Variants in CA10 observed in about 807,000 individuals in gnomAD.
The protein encoded by CA10 is carbonic anhydrase 10 (inactive), also known as carbonic anhydrase-related protein 10.
In CA10, 14 loss-of-function variants were observed where a neutral mutation model predicts 44.2. That is an observed-to-expected ratio of 0.32 (90% CI 0.21 to 0.50). The LOEUF (loss-of-function observed/expected upper bound fraction) is 0.50. Ranked by LOEUF, CA10 falls within the 20% of genes least tolerant of loss-of-function variation. CA10 has a pLI of 0.99. For synonymous variants in CA10, 159 were observed against 141.6 expected (o/e 1.12, Z -0.87); for missense variants, 350 against 409.7 (o/e 0.85, Z 1.26).
At chr17:52,122,039 A>G (rs928523580) in intron 1 of CA10, among the ~76,000 whole-genome samples, 1 of 152,198 alleles carries the variant, frequency 6.6e-6, no homozygotes, top group Non-Finnish European at 1.5e-5. Context: ...CCTTTTATGC[A>G]CACCTCAATC....
intron 1 of CA10, among the ~76,000 whole-genome samples, chr17:52,152,844 CA>C (rs1207854897): frequency 1.3e-5 from 2 of 151,928 alleles, no homozygotes; most frequent in Non-Finnish European, 2.9e-5. Flanking sequence ...ATAGGCAAAG[CA>C]AATATAATTT....
At chr17:52,066,205 G>A (rs1206964479) in intron 2 of CA10, among the ~76,000 whole-genome samples, 1 of 152,208 alleles carries the variant, frequency 6.6e-6, no homozygotes, top group African/African-American at 2.4e-5. Flanking sequence ...AAATGTGAAA[G>A]TGACTTTGGA....
chr17:52,064,645 C>A lies in CA10; in HGVS notation c.136+7674G>T, dbSNP rs193011957. 2.6e-5 allele frequency among the ~76,000 whole-genome samples: 4 copies of A among 151,910 alleles called. No individual in the cohort carries two copies. The East Asian group carries it at 7.8e-4, about 29-fold the overall frequency. ...CTTGTAGGTGGTTGGGTATAATTAC[C>A]TTCCTTGTCCAATAATCTTTAGATT... On this transcript the variant is annotated intron_variant, in intron 2 of 8. Transcript: ENST00000451037.
chr17:51,878,886 A>G (rs1196676187), intron 3 of CA10, among the ~76,000 whole-genome samples: 534 of 15,948 alleles, frequency 0.033, 24 homozygotes, highest in East Asian at 0.046. Flanking sequence ...ATATATATAT[A>G]TATATGGGTG....
intron 2 of CA10, among the ~76,000 whole-genome samples, chr17:51,944,359 A>G (rs1983194937): frequency 6.6e-6 from 1 of 152,106 alleles, no homozygotes; most frequent in Non-Finnish European, 1.5e-5. Flanking sequence ...ACTGCCAGCA[A>G]CCAGACCCTG....
chr17:51,769,246 T>C (rs1468978099), intron 3 of CA10, among the ~76,000 whole-genome samples: 1 of 152,162 alleles, frequency 6.6e-6, no homozygotes, highest in African/African-American at 2.4e-5. Flanking sequence ...GTGGAGTTTT[T>C]GCCACTACTG....
At chr17:51,914,291 G>T (rs1004624618) in intron 3 of CA10, among the ~76,000 whole-genome samples, 13 of 152,102 alleles carry the variant, frequency 8.5e-5, no homozygotes, top group African/African-American at 2.7e-4. Flanking sequence ...TTTTTACAGA[G>T]AAAAAGCATA....
At chr17:52,037,085 A>G (rs1986640252) in intron 2 of CA10, among the ~76,000 whole-genome samples, 1 of 152,144 alleles carries the variant, frequency 6.6e-6, no homozygotes, top group South Asian at 2.1e-4. Context: ...TTGGGAAAAG[A>G]TTTTGAAGAA....
chr17:51,948,279 A>G (rs1411708868), intron 2 of CA10, among the ~76,000 whole-genome samples: 5 of 152,160 alleles, frequency 3.3e-5, no homozygotes, highest in Non-Finnish European at 5.9e-5. Flanking sequence ...GGCTCTGCCC[A>G]TAGGAAATCT....
At chr17:51,873,240 G>A (rs1979899746) in intron 3 of CA10, among the ~76,000 whole-genome samples, 1 of 152,198 alleles carries the variant, frequency 6.6e-6, no homozygotes, top group African/African-American at 2.4e-5. Context: ...ACAGAACAGA[G>A]TAAGTACCCA....
At chr17:52,023,380 T>G (rs1986201415) in intron 2 of CA10, among the ~76,000 whole-genome samples, 1 of 152,142 alleles carries the variant, frequency 6.6e-6, no homozygotes, top group Admixed American at 6.6e-5. Flanking sequence ...AAGGACTTTC[T>G]ATTCAATAAA....
chr17:51,865,785 T>C (rs769844434), intron 3 of CA10, among the ~76,000 whole-genome samples: 3 of 152,218 alleles, frequency 2.0e-5, no homozygotes, highest in Non-Finnish European at 4.4e-5. Context: ...TCCTCATCTA[T>C]GATGTTAGGC....
intron 2 of CA10, among the ~76,000 whole-genome samples, chr17:52,056,713 T>G (rs542835780): frequency 2.0e-5 from 3 of 151,978 alleles, no homozygotes; most frequent in Non-Finnish European, 4.4e-5. Flanking sequence ...GGTTAAAGCA[T>G]CCTGCTGTGT....
chr17:51,993,273 T>C (rs1985108907), intron 2 of CA10, among the ~76,000 whole-genome samples: 1 of 152,140 alleles, frequency 6.6e-6, no homozygotes, highest in Non-Finnish European at 1.5e-5. Context: ...GAATTATGTA[T>C]GAAGCACTGC....
At chr17:51,899,592 C>A (rs985323566) in intron 3 of CA10, among the ~76,000 whole-genome samples, 2 of 151,960 alleles carry the variant, frequency 1.3e-5, no homozygotes, top group Non-Finnish European at 2.9e-5. Flanking sequence ...GCTCAGGTCC[C>A]AAACATATTT....
intron 4 of CA10, among the ~76,000 whole-genome samples, chr17:51,724,192 G>T (rs969054014): frequency 1.3e-5 from 2 of 152,246 alleles, no homozygotes; most frequent in African/African-American, 4.8e-5. Flanking sequence ...TGTCCTTGCA[G>T]AGTGGCAGAC....
At chr17:51,682,821 G>C (rs1914889177) in intron 4 of CA10, among the ~76,000 whole-genome samples, 1 of 152,228 alleles carries the variant, frequency 6.6e-6, no homozygotes, top group Non-Finnish European at 1.5e-5. Flanking sequence ...ACCTGACGTT[G>C]ATGAAGGGCT....
At chr17:52,054,299 C>A (rs537914719) in intron 2 of CA10, among the ~76,000 whole-genome samples, 1 of 152,212 alleles carries the variant, frequency 6.6e-6, no homozygotes, top group East Asian at 1.9e-4. Context: ...ATGAAATAAG[C>A]CCCAGTCTCC....
intron 2 of CA10, among the ~76,000 whole-genome samples, chr17:51,976,193 G>T (rs1984456796): frequency 6.6e-6 from 1 of 152,146 alleles, no homozygotes; most frequent in South Asian, 2.1e-4. Flanking sequence ...AATTAGATTT[G>T]TTCACAATCG....
Sources: gnomAD v4.1 joint callset for allele counts (sites outside exome capture counted in the v4.1 genomes callset) on GRCh38, gnomAD v4.1.1 for gene constraint, MANE v1.5 for transcripts, NCBI Gene and HGNC (gene_info 2026-07-23, HGNC 2026-07-21) for gene names.